CTRC: variants seen among roughly 807,000 people sequenced by gnomAD.
The protein encoded by CTRC is chymotrypsin-C.
Under a neutral mutation model 35.7 loss-of-function variants are expected in CTRC, and 32 were observed. That is an observed-to-expected ratio of 0.90 (90% CI 0.68 to 1.20). The LOEUF is 1.20. Ranked by LOEUF, CTRC falls within the 50% of genes most tolerant of loss-of-function variation. The pLI is 0.00. For synonymous variants in CTRC, 119 were observed against 149.5 expected, an observed-to-expected ratio of 0.80 and a Z score of 1.49; for missense variants, 324 against 361.5, an observed-to-expected ratio of 0.90 and a Z score of 0.84.
At chr1:15,444,884 G>T in intron 6 of CTRC, 133 bp downstream of exon 6, 1 of 1,144,934 alleles carries the variant, frequency 8.7e-7, no homozygotes, top group East Asian at 2.5e-5. Flanking sequence ...AGCAGGCTCA[G>T]GGTAAGCCCA....
At chr1:15,443,680 A>G (rs931137269) in intron 5 of CTRC, 125 bp downstream of exon 5, 3 of 1,175,820 alleles carry the variant, frequency 2.6e-6, no homozygotes, top group Non-Finnish European at 3.8e-6. Context: ...TGTAACAATA[A>G]CAGCTAATAT....
chr1:15,444,592 C>T lies in CTRC; in HGVS notation c.494-14C>T. Reference sequence around the variant, plus strand: ...CCCGGCTGCCTCCCTGGTCACTGCTCACTCTCTCCCCAGCCAACGGCCCCA... The same window carrying T: ...CCCGGCTGCCTCCCTGGTCACTGCTTACTCTCTCCCCAGCCAACGGCCCCA... On this transcript the variant is annotated splice_polypyrimidine_tract_variant and intron_variant, in intron 5 of 7. Transcript: ENST00000375949. The T allele has an allele frequency of 6.2e-7, 1 of 1,614,046 alleles. No individual in the cohort carries two copies. Among genetic ancestry groups the T allele is most frequent in the Non-Finnish European group, 8.5e-7 (1 of 1,179,988 alleles).
chr1:15,446,488 C>A, intron 7 of CTRC, 87 bp from the exon 8 acceptor site: 1 of 1,394,310 alleles, frequency 7.2e-7, no homozygotes, highest in Non-Finnish European at 1.0e-6. Flanking sequence ...GCCATGCCCC[C>A]ATGGACCCAC....
rs539906011 is a variant in CTRC at position 15,439,731 on chromosome 1, AGTTTT to A, written c.41-548_41-544del. Among the ~76,000 whole-genome samples, 341 of 152,180 alleles carry A rather than the reference AGTTTT, an allele frequency of 2.2e-3. 3 individuals carry two copies. The highest frequency in any genetic ancestry group is 0.01 in the Middle Eastern group (3 of 294). ...CCGGGCACTCGCACACATGCCAGCC[AGTTTT>A]GTTTTGTTTTGTTTTGTTTTTTGAG... On this transcript the variant is annotated intron_variant, in intron 1 of 7. Coordinates refer to ENST00000375949, the MANE Select transcript of CTRC (RefSeq NM_007272.3).
At chr1:15,445,900 AT>A in intron 7 of CTRC, 151 bp downstream of exon 7, 3 of 918,124 alleles carry the variant, frequency 3.3e-6, no homozygotes, top group Non-Finnish European at 5.1e-6. Context: ...GCATTCATTC[AT>A]TTATTCACTT....
chr1:15,444,364 C>A (rs1363656151), intron 5 of CTRC, among the ~76,000 whole-genome samples: 1 of 152,110 alleles, frequency 6.6e-6, no homozygotes, highest in Admixed American at 6.6e-5. Flanking sequence ...ACAATTAAAT[C>A]CCCAGAATCC....
chr1:15,446,639 C>G lies in CTRC; in HGVS notation c.*50C>G, dbSNP rs550325827. ...GAGTCCCTGCAACAGCAATAAACTTCCTTCTCCTCGGGCCACCTGGATCCT... is the reference window on the plus strand; with the variant it reads ...GAGTCCCTGCAACAGCAATAAACTTGCTTCTCCTCGGGCCACCTGGATCCT... On this transcript the variant is annotated 3_prime_UTR_variant, in exon 8 of 8. Transcript: ENST00000375949. 3.5e-5 allele frequency: 56 copies of G among 1,610,828 alleles called. No individual in the cohort carries two copies. The South Asian group carries it at 5.9e-4, about 17-fold the overall frequency.
intron 1 of CTRC, 74 bp from the exon 2 acceptor site, chr1:15,440,226 G>GGCCCCCCCCCCCCCCCC: frequency 1.9e-6 from 1 of 523,578 alleles, no homozygotes; most frequent in Non-Finnish European, 3.7e-6. Context: ...TCTTCCACCT[G>GGCCCCCCCCCCCCCCCC]CCCACCCTCC....
chr1:15,440,685 C>A, intron 3 of CTRC, 95 bp downstream of exon 3: 1 of 1,081,504 alleles, frequency 9.2e-7, no homozygotes, highest in Non-Finnish European at 1.4e-6. Flanking sequence ...ACTCCAGGCA[C>A]TGGGCTACAT....
At position 15,446,904 on chromosome 1, in the gene CTRC, G is replaced by T. The variant is rs568012522; in HGVS notation, c.*315G>T. ...GCCGGAGGGGATGGGAGTGAAGGAC[G>T]CATCAGACACCTTCCCCGCTCCATC... On this transcript the variant is annotated 3_prime_UTR_variant, in exon 8 of 8. Coordinates refer to ENST00000375949, the MANE Select transcript of CTRC (RefSeq NM_007272.3). 61 of 504,588 alleles carry T rather than the reference G, an allele frequency of 1.2e-4. No individual in the cohort carries two copies. Among genetic ancestry groups the T allele is most frequent in the African/African-American group, 1.2e-3 (61 of 51,608 alleles). The allele number at this position is 504,588 out of a possible 1,614,324, so 31.3% of individuals were successfully genotyped here.
chr1:15,448,118 G>A lies in CTRC; in HGVS notation c.*1529G>A, dbSNP rs1223362969. 6.6e-6 allele frequency: 1 copy of A among 151,292 alleles called. No homozygotes were observed. The allele number at this position is 151,292 out of a possible 1,614,324, so 9.4% of individuals were successfully genotyped here. On this transcript the variant is annotated 3_prime_UTR_variant, in exon 8 of 8. Coordinates refer to ENST00000375949, the MANE Select transcript of CTRC (RefSeq NM_007272.3). ...ACTAGAAGGTACCCAAGTACAGAAC[G>A]TAGTCCTTCTTAAGTTTGCTTAATC...
intron 7 of CTRC, 87 bp downstream of exon 7, chr1:15,445,836 G>C (rs778229929): frequency 6.1e-6 from 9 of 1,474,590 alleles, no homozygotes; most frequent in Non-Finnish European, 8.5e-6. Context: ...TCATTCATGC[G>C]TTTATTCATT....
At position 15,444,619 on chromosome 1, in the gene CTRC, T is replaced by A; in HGVS notation, c.507T>A (p.Ile169=). ...GWGRLWTNGP[I]ADKLQQGLQP... is the part of the protein sequence containing the mutation. ...CTCTCTCCCCAGCCAACGGCCCCAT[T>A]GCTGATAAGCTGCAGCAGGGCCTGC... The change falls in exon 6 of 8, where the codon ATT becomes ATA. Residue 169 remains isoleucine (I), a synonymous_variant. Coordinates refer to ENST00000375949, the MANE Select transcript of CTRC (RefSeq NM_007272.3). The A allele has an allele frequency of 6.2e-7, 1 of 1,614,164 alleles. No individual in the cohort carries two copies. Among genetic ancestry groups the A allele is most frequent in the Non-Finnish European group, 8.5e-7 (1 of 1,180,018 alleles).
At chr1:15,440,188 C>T (rs552100146) in intron 1 of CTRC, 112 bp from the exon 2 acceptor site, 10 of 969,194 alleles carry the variant, frequency 1.0e-5, no homozygotes, top group East Asian at 2.6e-5. Context: ...ATATCAACCC[C>T]GTGTCTGCCC....
At chr1:15,439,323 G>T (rs956863322) in intron 1 of CTRC, among the ~76,000 whole-genome samples, 2 of 151,666 alleles carry the variant, frequency 1.3e-5, no homozygotes, top group Non-Finnish European at 2.9e-5. Flanking sequence ...CTACTCAGAA[G>T]GCTGAGGCAG....
Position 15,447,398 on chromosome 1 carries a change from G to T in CTRC, c.*809G>T. The T allele has an allele frequency of 6.5e-6, 1 of 153,512 alleles. No individual in the cohort carries two copies. 9.5% of individuals were successfully genotyped at this position (153,512 alleles called of 1,614,324 possible). A position where few individuals can be genotyped will look rare whatever the true frequency, so the allele number is the denominator to read the frequency against. ...TGCATTAGACAAGTGGGGAAACTGA[G>T]GCCCAGAGAGAGGAAGGAGTTGGGA... On this transcript the variant is annotated 3_prime_UTR_variant, in exon 8 of 8. Coordinates refer to ENST00000375949, the MANE Select transcript of CTRC (RefSeq NM_007272.3).
At chr1:15,440,437 G>A (rs755134647) in intron 2 of CTRC, 46 bp downstream of exon 2, 1 of 1,612,414 alleles carries the variant, frequency 6.2e-7, no homozygotes, top group East Asian at 2.2e-5. Flanking sequence ...AGGGTGGCGG[G>A]GTGAGGGTCC....
chr1:15,440,226 G>GGGGGCCCCCCCCCCCC, intron 1 of CTRC, 74 bp from the exon 2 acceptor site: 3 of 523,576 alleles, frequency 5.7e-6, no homozygotes, highest in East Asian at 3.8e-5. Flanking sequence ...TCTTCCACCT[G>GGGGGCCCCCCCCCCCC]CCCACCCTCC....
chr1:15,440,232 C>T, intron 1 of CTRC, 68 bp from the exon 2 acceptor site: 2 of 571,086 alleles, frequency 3.5e-6, no homozygotes, highest in Admixed American at 2.3e-5. Flanking sequence ...ACCTGCCCAC[C>T]CTCCCACCCC....
Sources: gnomAD v4.1 joint callset for allele counts (sites outside exome capture counted in the v4.1 genomes callset) on GRCh38, gnomAD v4.1.1 for gene constraint, MANE v1.5 for transcripts, NCBI Gene and HGNC (gene_info 2026-07-23, HGNC 2026-07-21) for gene names.